The following LRRK1 variants were observed in gnomAD, a reference collection of about 807,000 sequenced individuals.
LRRK1 encodes the protein leucine rich repeat kinase 1, also known as leucine-rich repeat serine/threonine-protein kinase 1.
In LRRK1, 113 loss-of-function variants were observed where a neutral mutation model predicts 209.1. That is an observed-to-expected ratio of 0.54 (90% CI 0.46 to 0.63). The LOEUF (loss-of-function observed/expected upper bound fraction) is 0.63. Among genes scored for constraint, LRRK1 ranks in the 30% least tolerant of loss-of-function variants. The pLI, the probability that LRRK1 is intolerant of heterozygous loss-of-function variation, is 0.00. For synonymous variants in LRRK1, 1,144 were observed against 1,099.7 expected (o/e 1.04, Z -0.80); for missense variants, 2,284 against 2,632.2 (o/e 0.87, Z 2.89).
chr15:101,001,079 A>G (rs1264767053), intron 6 of LRRK1, among the ~76,000 whole-genome samples: 1 of 152,112 alleles, frequency 6.6e-6, no homozygotes, highest in Non-Finnish European at 1.5e-5. Context: ...AAAACCCACA[A>G]TGAATATTCC....
chr15:100,988,501 G>A, intron 4 of LRRK1, 133 bp from the exon 5 acceptor site: 4 of 809,814 alleles, frequency 4.9e-6, no homozygotes, highest in Non-Finnish European at 6.3e-6. Flanking sequence ...TGGCTGTATA[G>A]TATTCCATGG....
chr15:100,982,852 A>C (rs1201394020), intron 3 of LRRK1, among the ~76,000 whole-genome samples: 2 of 152,264 alleles, frequency 1.3e-5, no homozygotes, highest in Non-Finnish European at 2.9e-5. Context: ...AGTCGAGAGC[A>C]GCAAATGCGA....
rs2032036272 is a variant in LRRK1, at chr15:100,989,304, A to G, written c.668A>G (p.Tyr223Cys). Residue 223 changes from tyrosine (Y) to cysteine (C), a missense_variant, in exon 6 of 34, where the codon TAC (tyrosine) becomes TGC (cysteine). Physicochemically the swap from Tyr to Cys is radical, Grantham distance 194. This residue lies in a region of LRRK1 where 134 missense variants were observed against 191.7 expected (regional missense o/e 0.70). Coordinates refer to ENST00000388948, the MANE Select transcript of LRRK1 (RefSeq NM_024652.6). ...LLRHGAYFCS[Y>C]ILLDSPDPSK... is the part of the protein sequence containing the mutation. ...CGGCATGGGGCCTATTTCTGTTCCTACATCTTGCTGGATAGTCCTGACCCC... is the reference window on the plus strand; with the variant it reads ...CGGCATGGGGCCTATTTCTGTTCCTGCATCTTGCTGGATAGTCCTGACCCC... The G allele has an allele frequency of 1.2e-6, 2 of 1,614,036 alleles. No homozygotes were observed. Among genetic ancestry groups the G allele is most frequent in the Non-Finnish European group, 1.7e-6 (2 of 1,179,924 alleles).
At chr15:101,062,811 C>T (rs1033367510) in intron 31 of LRRK1, 121 bp downstream of exon 31, 32 of 749,956 alleles carry the variant, frequency 4.3e-5, no homozygotes, top group South Asian at 1.4e-4. Flanking sequence ...TGGCCTAGGA[C>T]GTAGACTTAG....
chr15:100,978,313 C>T (rs1158367773), intron 3 of LRRK1, among the ~76,000 whole-genome samples: 1 of 152,130 alleles, frequency 6.6e-6, no homozygotes, highest in Non-Finnish European at 1.5e-5. Flanking sequence ...AGACAGAAGG[C>T]AAGACTGAAG....
intron 20 of LRRK1, among the ~76,000 whole-genome samples, chr15:101,043,066 A>C (rs2034853670): frequency 1.3e-5 from 2 of 152,208 alleles, no homozygotes; most frequent in African/African-American, 4.8e-5. Flanking sequence ...TGATATTGGC[A>C]ATGAAGCTGT....
intron 12 of LRRK1, among the ~76,000 whole-genome samples, chr15:101,018,400 G>C (rs1490034085): frequency 6.6e-6 from 1 of 152,218 alleles, no homozygotes; most frequent in Non-Finnish European, 1.5e-5. Flanking sequence ...TCACTTAGAA[G>C]GAAGGGGAAA....
Position 101,065,624 on chromosome 15 carries a change from C to T in LRRK1, c.5187C>T (p.Pro1729=). The T allele has an allele frequency of 6.2e-7, 1 of 1,614,200 alleles. No individual in the cohort carries two copies. Among genetic ancestry groups the T allele is most frequent in the African/African-American group, 1.3e-5 (1 of 75,064 alleles). Residue 1729 remains proline, a synonymous_variant, in exon 32 of 34, where the codon CCC becomes CCT. Transcript: ENST00000388948. The part of the protein sequence containing the change: ...ASLEICRRLE[P]YMAPSMVTSV... ...TGGAGATCTGCAGGCGGCTGGAGCC[C>T]TACATGGCCCCCTCCATGGTTACGT... is the stretch of plus-strand genomic sequence containing the variant.
At chr15:100,923,638 G>A (rs1421426761) in intron 1 of LRRK1, among the ~76,000 whole-genome samples, 2 of 152,192 alleles carry the variant, frequency 1.3e-5, no homozygotes, top group East Asian at 1.9e-4. Flanking sequence ...GCCCATGGGG[G>A]GACTCTAAGC....
In LRRK1 at chr15:101,062,672, C is replaced by T. The variant is rs747424097; in HGVS notation, c.4896C>T (p.Ala1632=). Residue 1632 remains alanine (A), a synonymous_variant, in exon 31 of 34, where the codon GCC becomes GCT. Transcript: ENST00000388948. The part of the protein sequence containing the change: ...DTPAVVTCFL[A]VPVIKKNSYL... ...CAGCTGTCGTCACCTGCTTCTTGGC[C>T]GTGCCTGTTATTAAAAAGGTGAGGT... 1.8e-5 allele frequency: 29 copies of T among 1,613,462 alleles called. No individual in the cohort carries two copies. The highest frequency in any genetic ancestry group is 9.9e-5 in the South Asian group (9 of 91,082).
rs1227199516 is a variant in LRRK1 at position 100,981,409 on chromosome 15, T to C, written c.262-2119T>C. Among the ~76,000 whole-genome samples, 10 of 151,472 alleles carry C rather than the reference T, an allele frequency of 6.6e-5. No individual in the cohort carries two copies. In the South Asian group the frequency reaches 1.9e-3, roughly 28 times the overall value. ...GCCTCACCCTGGGCAGAGTGGCAGG[T>C]GGGTGGGCTTTTCTTTTCTGATCAT... On this transcript the variant is annotated intron_variant, in intron 3 of 33. Transcript: ENST00000388948.
rs1373345797 is a variant in LRRK1 at position 101,058,385 on chromosome 15, G to A, written c.4679+244G>A. Reference sequence around the variant, plus strand: ...ATGGGTAGTATCTGCCAGGGTGTCTGGGGACGTGAGGGCACTGTGGCATGT... The same window carrying A: ...ATGGGTAGTATCTGCCAGGGTGTCTAGGGACGTGAGGGCACTGTGGCATGT... On this transcript the variant is annotated intron_variant, in intron 29 of 33. Transcript: ENST00000388948. Among the ~76,000 whole-genome samples the A allele has an allele frequency of 2.6e-5, 4 of 152,104 alleles. No individual in the cohort carries two copies. In the East Asian group the frequency reaches 5.8e-4, roughly 22 times the overall value.
chr15:101,069,693 A>C lies in LRRK1; in HGVS notation c.*845A>C, dbSNP rs529424448. The C allele has an allele frequency of 6.5e-6, 1 of 152,806 alleles. No individual in the cohort carries two copies. Among genetic ancestry groups the C allele is most frequent in the Non-Finnish European group, 1.5e-5 (1 of 68,040 alleles). 9.5% of individuals were successfully genotyped at this position (152,806 alleles called of 1,614,324 possible). A position where few individuals can be genotyped will look rare whatever the true frequency, so the allele number is the denominator to read the frequency against. On this transcript the variant is annotated 3_prime_UTR_variant, in exon 34 of 34. Coordinates refer to ENST00000388948, the MANE Select transcript of LRRK1 (RefSeq NM_024652.6). ...CATAATAATCTTGTTTATCACTTTA[A>C]AAAATTCAGTAATATCTCAGCAGTC...
intron 31 of LRRK1, among the ~76,000 whole-genome samples, chr15:101,063,531 G>A (rs894895429): frequency 6.6e-6 from 1 of 152,222 alleles, no homozygotes. Flanking sequence ...ATTCAGGCAC[G>A]GCTCAGCCAG....
chr15:101,000,484 G>A (rs569473136), intron 6 of LRRK1, among the ~76,000 whole-genome samples: 44 of 152,260 alleles, frequency 2.9e-4, no homozygotes, highest in Admixed American at 1.8e-3. Context: ...AAACTGGGTG[G>A]CTTAACACAA....
At chr15:101,060,055 T>C (rs556365137) in intron 29 of LRRK1, among the ~76,000 whole-genome samples, 1 of 152,290 alleles carries the variant, frequency 6.6e-6, no homozygotes, top group South Asian at 2.1e-4. Context: ...GACAGAGGCC[T>C]CTTCCTGTGA....
intron 6 of LRRK1, among the ~76,000 whole-genome samples, chr15:100,990,434 C>T (rs970345893): frequency 2.6e-5 from 4 of 152,034 alleles, no homozygotes; most frequent in African/African-American, 9.7e-5. Flanking sequence ...GGAAACACTG[C>T]CCCCCAACAC....
At chr15:101,058,394 A>G (rs901654312) in intron 29 of LRRK1, among the ~76,000 whole-genome samples, 27 of 152,036 alleles carry the variant, frequency 1.8e-4, no homozygotes, top group African/African-American at 6.5e-4. Context: ...TGGGGACGTG[A>G]GGGCACTGTG....
chr15:101,049,028 C>A (rs1319764434), intron 22 of LRRK1, among the ~76,000 whole-genome samples: 1 of 152,182 alleles, frequency 6.6e-6, no homozygotes, highest in East Asian at 1.9e-4. Context: ...AGAAGCCAGG[C>A]TGGGGACAGG....
Sources: allele counts gnomAD v4.1 joint callset (sites outside exome capture counted in the v4.1 genomes callset), GRCh38; gene constraint gnomAD v4.1.1; regional missense constraint gnomAD v4.1.1; transcripts MANE v1.5; gene names NCBI Gene and HGNC (gene_info 2026-07-23, HGNC 2026-07-21).